The following TMC5 variants were observed in gnomAD, a reference collection of about 807,000 sequenced individuals.
TMC5 encodes transmembrane channel like 5.
Under a neutral mutation model 110.5 loss-of-function variants are expected in TMC5, and 86 were observed. The ratio of observed to expected loss-of-function variants is 0.78; its 90% CI spans 0.65 to 0.93. The LOEUF (loss-of-function observed/expected upper bound fraction) is 0.93. TMC5 is among the 40% of genes least tolerant of loss of function. The pLI, the probability that TMC5 is intolerant of heterozygous loss-of-function variation, is 0.00. For missense variants in TMC5, 1,144 were observed against 1,222.8 expected, an observed-to-expected ratio of 0.94 and a Z score of 0.96; for synonymous variants, 455 against 439.5, an observed-to-expected ratio of 1.04 and a Z score of -0.44.
intron 1 of TMC5, among the ~76,000 whole-genome samples, chr16:19,425,772 T>A (rs568239388): frequency 6.6e-6 from 1 of 152,310 alleles, no homozygotes; most frequent in Admixed American, 6.5e-5. Context: ...CTGCAACCTC[T>A]GCCTTCCAGG....
chr16:19,440,562 C>G lies in TMC5; in HGVS notation c.524C>G (p.Pro175Arg). ...GAQSNSDHPG[P>R]RANLNHPGSR... ...CAGAGCAACTCTGATCATCCTGGAC[C>G]CAGAGCCAATTTGAACCATCCAGGA... The change falls in exon 3 of 22, where the codon CCC (proline) becomes CGC (arginine). Residue 175 changes from proline (P) to arginine (R), a missense_variant. Transcript: ENST00000542583. 1.9e-6 allele frequency: 3 copies of G among 1,614,122 alleles called. No homozygotes were observed. Among genetic ancestry groups the G allele is most frequent in the Non-Finnish European group, 1.7e-6 (2 of 1,180,024 alleles).
chr16:19,470,538 A>G (rs560320870), intron 10 of TMC5, among the ~76,000 whole-genome samples: 3 of 152,074 alleles, frequency 2.0e-5, no homozygotes, highest in South Asian at 2.1e-4. Flanking sequence ...GACAACCTCT[A>G]GAGACTTTTT....
At chr16:19,441,178 AC>A (rs1459409543) in intron 3 of TMC5, among the ~76,000 whole-genome samples, 1 of 152,152 alleles carries the variant, frequency 6.6e-6, no homozygotes, top group Non-Finnish European at 1.5e-5. Context: ...AAATCCAAAC[AC>A]TTTAATTAAA....
At chr16:19,415,352 G>A (rs1341152372), upstream of TMC5, among the ~76,000 whole-genome samples, 4 of 152,134 alleles carry the variant, frequency 2.6e-5, no homozygotes, top group South Asian at 6.2e-4. Context: ...TGGTTCTCAG[G>A]GGGAGGCAGT....
chr16:19,428,933 C>T (rs1375725296), intron 1 of TMC5, among the ~76,000 whole-genome samples: 1 of 152,118 alleles, frequency 6.6e-6, no homozygotes, highest in Non-Finnish European at 1.5e-5. Flanking sequence ...TCAAGCAATT[C>T]CTGTGCCTCA....
At chr16:19,483,060 T>C (rs8053255) in intron 15 of TMC5, among the ~76,000 whole-genome samples, 13,388 of 151,894 alleles carry the variant, frequency 0.088, 925 homozygotes, top group African/African-American at 0.18. Flanking sequence ...AGGGTTTCAC[T>C]ATGTTGGCCA....
intron 2 of TMC5, among the ~76,000 whole-genome samples, chr16:19,433,983 C>G (rs1293842793): frequency 7.9e-6 from 1 of 126,050 alleles, no homozygotes; most frequent in Non-Finnish European, 1.6e-5. Flanking sequence ...CCATGCCCAG[C>G]TAATTTATAT....
rs568207587 is a variant in TMC5, at chr16:19,437,654, C to T, written c.-79-2306C>T. 5.9e-5 allele frequency among the ~76,000 whole-genome samples: 9 copies of T among 152,232 alleles called. No homozygotes were observed. The East Asian group carries it at 7.7e-4, about 13-fold the overall frequency. ...TACTTCCTTATTTCAAAAATATTGC[C>T]GTTCATCTCATCATGCTGGCTTGAA... On this transcript the variant is annotated intron_variant, in intron 2 of 21. Coordinates refer to ENST00000542583, the MANE Select transcript of TMC5 (RefSeq NM_001261841.2).
At chr16:19,420,990 A>G (rs761151645) in intron 1 of TMC5, among the ~76,000 whole-genome samples, 33 of 152,104 alleles carry the variant, frequency 2.2e-4, no homozygotes, top group Admixed American at 4.6e-4. Flanking sequence ...AGGTGAGTGG[A>G]GATCTCCAAG....
At chr16:19,452,018 C>CA (rs1967760961) in intron 5 of TMC5, among the ~76,000 whole-genome samples, 1 of 152,086 alleles carries the variant, frequency 6.6e-6, no homozygotes, top group Non-Finnish European at 1.5e-5. Context: ...AGGCTGGTCT[C>CA]AAACTCCTGA....
At chr16:19,497,070 G>C (rs12597831) in intron 20 of TMC5, 51 bp from the exon 21 acceptor site, 9 of 1,606,022 alleles carry the variant, frequency 5.6e-6, no homozygotes, top group Admixed American at 3.3e-5. Flanking sequence ...ACAAGACCCA[G>C]AATCTGCATT....
chr16:19,460,228 T>C lies in TMC5; in HGVS notation c.1049-7T>C, dbSNP rs1267102071. On this transcript the variant is annotated splice_region_variant and splice_polypyrimidine_tract_variant and intron_variant, in intron 5 of 21. Transcript: ENST00000542583. The stretch of plus-strand genomic sequence containing the variant: ...AAGAAATTAAATTCCATTAATTTCT[T>C]TCATAGGACAGAAGTTAATCGCATC... The C allele has an allele frequency of 1.3e-6, 2 of 1,593,956 alleles. 1 individual carries two copies. Among genetic ancestry groups the C allele is most frequent in the Admixed American group, 3.5e-5 (2 of 56,860 alleles).
intron 11 of TMC5, among the ~76,000 whole-genome samples, chr16:19,472,993 C>T (rs536264155): frequency 6.6e-6 from 1 of 152,214 alleles, no homozygotes; most frequent in South Asian, 2.1e-4. Flanking sequence ...CACTCCCAGC[C>T]AAATGCCAGA....
intron 8 of TMC5, among the ~76,000 whole-genome samples, chr16:19,465,057 TTTCCTTCCTTCCTTCCTTCC>T (rs199826537): frequency 1.5e-4 from 17 of 110,910 alleles, no homozygotes; most frequent in African/African-American, 4.2e-4. Context: ...CTTTCTTTCT[TTTCCTTCCTTCCTTCCTTCC>T]TTCCTTCCTT....
At chr16:19,480,486 C>T (rs1968590691) in intron 14 of TMC5, among the ~76,000 whole-genome samples, 1 of 151,996 alleles carries the variant, frequency 6.6e-6, no homozygotes, top group Admixed American at 6.6e-5. Context: ...TTATTCTAGC[C>T]TCTGTCGAGG....
At chr16:19,469,898 C>CTTT in intron 10 of TMC5, 73 bp downstream of exon 10, 13 of 1,212,824 alleles carry the variant, frequency 1.1e-5, no homozygotes, top group African/African-American at 6.2e-5. Context: ...TGTAACTTTT[C>CTTT]TTTTTTTTTT....
chr16:19,429,365 G>T (rs1399656114), intron 1 of TMC5, among the ~76,000 whole-genome samples: 1 of 152,170 alleles, frequency 6.6e-6, no homozygotes, highest in African/African-American at 2.4e-5. Flanking sequence ...AGAGACTATT[G>T]ACATTACCTT....
chr16:19,491,526 C>G (rs1427198876), intron 18 of TMC5, among the ~76,000 whole-genome samples: 1 of 142,508 alleles, frequency 7.0e-6, no homozygotes, highest in Non-Finnish European at 1.5e-5. Context: ...ATCTTCTTGT[C>G]TTAGGGATTT....
intron 5 of TMC5, among the ~76,000 whole-genome samples, chr16:19,451,025 T>C (rs966792078): frequency 1.3e-5 from 2 of 151,936 alleles, no homozygotes; most frequent in African/African-American, 4.8e-5. Context: ...TCCCAACACT[T>C]TGGGAGACCG....
Sources: gnomAD v4.1 joint callset for allele counts (sites outside exome capture counted in the v4.1 genomes callset) on GRCh38, gnomAD v4.1.1 for gene constraint, MANE v1.5 for transcripts, NCBI Gene and HGNC (gene_info 2026-07-23, HGNC 2026-07-21) for gene names.